Variants in SRGAP1 observed in about 807,000 individuals in gnomAD.
SRGAP1 encodes SLIT-ROBO Rho GTPase activating protein 1.
SRGAP1 carries 43 observed loss-of-function variants against 121.9 expected under a neutral mutation model. That is an observed-to-expected ratio of 0.35 (90% CI 0.28 to 0.46). The LOEUF is 0.46. Among genes scored for constraint, SRGAP1 ranks in the 20% least tolerant of loss-of-function variants. The probability of loss-of-function intolerance (pLI) is 1.00; values close to 1 mark genes in which losing one functional copy is unlikely to be tolerated. For synonymous variants in SRGAP1, 447 were observed against 485.4 expected (o/e 0.92, Z 1.04); for missense variants, 1,102 against 1,350.9 (o/e 0.82, Z 2.89).
intron 1 of SRGAP1, among the ~76,000 whole-genome samples, chr12:63,959,873 G>A (rs2032587039): frequency 6.6e-6 from 1 of 152,194 alleles, no homozygotes; most frequent in South Asian, 2.1e-4. Flanking sequence ...ACCCAGGTGT[G>A]TGAGATGTCA....
chr12:63,861,571 A>G (rs1257578540), intron 1 of SRGAP1, among the ~76,000 whole-genome samples: 1 of 152,092 alleles, frequency 6.6e-6, no homozygotes, highest in Non-Finnish European at 1.5e-5. Context: ...AGTGCTAGGA[A>G]TACAGGCATG....
intron 15 of SRGAP1, among the ~76,000 whole-genome samples, chr12:64,102,025 A>G (rs2036263032): frequency 6.6e-6 from 1 of 152,220 alleles, no homozygotes. Context: ...AAAGAGAATC[A>G]CTGGCATGTA....
Position 64,151,703 on chromosome 12 carries a change from C to T in SRGAP1, c.*9031C>T, listed in dbSNP as rs2037121384. The T allele has an allele frequency of 6.6e-6, 1 of 152,164 alleles. No homozygotes were observed. Among genetic ancestry groups the T allele is most frequent in the Non-Finnish European group, 1.5e-5 (1 of 68,028 alleles). 9.4% of individuals were successfully genotyped at this position (152,164 alleles called of 1,614,324 possible). ...TGATAGGCTCAATGCAAATTCTTAG[C>T]AGTTTGTTAATGTGCACACCCACAT... On this transcript the variant is annotated 3_prime_UTR_variant, in exon 22 of 22. Transcript: ENST00000355086.
chr12:63,861,890 G>A (rs1899465548), intron 1 of SRGAP1, among the ~76,000 whole-genome samples: 1 of 152,152 alleles, frequency 6.6e-6, no homozygotes, highest in South Asian at 2.1e-4. Context: ...GGGAGGATGA[G>A]GTGGGTGGAT....
Position 64,158,778 on chromosome 12 carries a change from A to G in SRGAP1, c.*16106A>G, listed in dbSNP as rs1013423010. Reference sequence around the variant, plus strand: ...CAGGGTGAGACTCCATCTTAAGAAGAAAAAAAAAGCAATTACTTTTGCACC... The same window carrying G: ...CAGGGTGAGACTCCATCTTAAGAAGGAAAAAAAAGCAATTACTTTTGCACC... On this transcript the variant is annotated 3_prime_UTR_variant, in exon 22 of 22. Transcript: ENST00000355086. 6.6e-6 allele frequency: 1 copy of G among 150,604 alleles called. No individual in the cohort carries two copies. Among genetic ancestry groups the G allele is most frequent in the Non-Finnish European group, 1.5e-5 (1 of 67,500 alleles). The allele number at this position is 150,604 out of a possible 1,614,324, so 9.3% of individuals were successfully genotyped here.
At chr12:64,091,243 G>T in intron 11 of SRGAP1, 33 bp from the exon 12 acceptor site, 2 of 1,453,718 alleles carry the variant, frequency 1.4e-6, no homozygotes, top group Non-Finnish European at 1.9e-6. Context: ...TTTGATTTCT[G>T]CCATGCTCAG....
At chr12:64,102,484 A>G (rs1254063453) in intron 15 of SRGAP1, among the ~76,000 whole-genome samples, 1 of 152,200 alleles carries the variant, frequency 6.6e-6, no homozygotes, top group Non-Finnish European at 1.5e-5. Context: ...TTATGCAACC[A>G]TCACCACAAT....
chr12:64,086,144 AC>A (rs1286674894), intron 10 of SRGAP1, among the ~76,000 whole-genome samples: 1 of 152,194 alleles, frequency 6.6e-6, no homozygotes, highest in African/African-American at 2.4e-5. Context: ...TTGTGCTGCA[AC>A]GTGACCATCC....
At chr12:64,125,852 ACT>A in intron 18 of SRGAP1, 123 bp from the exon 19 acceptor site, 2 of 856,062 alleles carry the variant, frequency 2.3e-6, no homozygotes, top group Non-Finnish European at 3.5e-6. Context: ...TATGTTGATG[ACT>A]CTGTTCAGTC....
chr12:63,890,598 C>G (rs1900546839), intron 1 of SRGAP1, among the ~76,000 whole-genome samples: 1 of 151,950 alleles, frequency 6.6e-6, no homozygotes, highest in South Asian at 2.1e-4. Context: ...GCCCAGCCCT[C>G]AGTTACTCCT....
In SRGAP1 at chr12:64,043,702, T is replaced by C. The variant is rs75215647; in HGVS notation, c.801+127T>C. 487 of 676,614 alleles carry C rather than the reference T, an allele frequency of 7.2e-4. 1 individual carries two copies. In the African/African-American group the frequency reaches 8.0e-3, roughly 11 times the overall value. 41.9% of individuals were successfully genotyped at this position (676,614 alleles called of 1,614,324 possible). A position where few individuals can be genotyped will look rare whatever the true frequency, so the allele number is the denominator to read the frequency against. ...TACGTAATACTCAAAAAGAAAAAAATACTTTTATTTAAATTATCCGTAATA... is the reference window on the plus strand; with the variant it reads ...TACGTAATACTCAAAAAGAAAAAAACACTTTTATTTAAATTATCCGTAATA... On this transcript the variant is annotated intron_variant, in intron 6 of 21. Transcript: ENST00000355086.
chr12:64,006,533 T>A (rs73317379), intron 3 of SRGAP1, among the ~76,000 whole-genome samples: 8,115 of 152,208 alleles, frequency 0.053, 701 homozygotes, highest in African/African-American at 0.18. Flanking sequence ...ATCTAAGCAA[T>A]TAAGGATGCT....
At chr12:64,020,214 A>G (rs2034508269) in intron 4 of SRGAP1, among the ~76,000 whole-genome samples, 1 of 152,182 alleles carries the variant, frequency 6.6e-6, no homozygotes, top group Non-Finnish European at 1.5e-5. Context: ...CCTATGGTCC[A>G]TTTATACGTT....
At chr12:63,845,373 C>A (rs1006726920) in intron 1 of SRGAP1, among the ~76,000 whole-genome samples, 1 of 152,164 alleles carries the variant, frequency 6.6e-6, no homozygotes, top group Admixed American at 6.5e-5. Context: ...ATTTACACCG[C>A]TCACAATTTA....
intron 18 of SRGAP1, among the ~76,000 whole-genome samples, chr12:64,121,373 A>G (rs573004871): frequency 2.2e-4 from 34 of 152,084 alleles, no homozygotes; most frequent in African/African-American, 4.6e-4. Context: ...GACATCCTTT[A>G]AAGTGAGAGC....
intron 3 of SRGAP1, among the ~76,000 whole-genome samples, chr12:64,010,846 T>C (rs773055013): frequency 1.2e-4 from 18 of 151,692 alleles, no homozygotes; most frequent in Non-Finnish European, 2.5e-4. Flanking sequence ...CAAGGTAGTT[T>C]GAACACAGGC....
chr12:63,968,582 C>A (rs931164561), intron 1 of SRGAP1, among the ~76,000 whole-genome samples: 4 of 152,208 alleles, frequency 2.6e-5, no homozygotes, highest in Non-Finnish European at 5.9e-5. Context: ...GAGTTTGTGA[C>A]CCCTGCTCCA....
intron 18 of SRGAP1, 198 bp downstream of exon 18, chr12:64,116,091 CA>C: frequency 2.0e-6 from 1 of 493,234 alleles, no homozygotes; most frequent in Non-Finnish European, 3.7e-6. Context: ...CCCATCTCTA[CA>C]AAAAAATACA....
chr12:63,930,232 T>G (rs2031421084), intron 1 of SRGAP1, among the ~76,000 whole-genome samples: 1 of 150,276 alleles, frequency 6.7e-6, no homozygotes, highest in Non-Finnish European at 1.5e-5. Flanking sequence ...GGCTCATGCC[T>G]ATAATCCCAG....
Sources: gnomAD v4.1 joint callset for allele counts (sites outside exome capture counted in the v4.1 genomes callset) on GRCh38, gnomAD v4.1.1 for gene constraint, MANE v1.5 for transcripts, NCBI Gene and HGNC (gene_info 2026-07-23, HGNC 2026-07-21) for gene names.